The following EYS variants were observed in gnomAD, a reference collection of about 807,000 sequenced individuals.
EYS encodes the protein protein eyes shut homolog.
Under a neutral mutation model 282.1 loss-of-function variants are expected in EYS, and 250 were observed. The ratio of observed to expected loss-of-function variants is 0.89; its 90% CI spans 0.80 to 0.98. The LOEUF is 0.98. Ranked by LOEUF, EYS falls within the 50% of genes least tolerant of loss-of-function variation. EYS has a pLI of 0.00. For synonymous variants in EYS, 1,355 were observed against 1,282.9 expected, an observed-to-expected ratio of 1.06 and a Z score of -1.20; for missense variants, 4,016 against 3,709.0, an observed-to-expected ratio of 1.08 and a Z score of -2.15.
chr6:64,352,175 A>G (rs1045596725), intron 29 of EYS, among the ~76,000 whole-genome samples: 2 of 151,538 alleles, frequency 1.3e-5, no homozygotes, highest in African/African-American at 4.8e-5. Flanking sequence ...TGTTCTTTCA[A>G]TGCACACTAA....
intron 13 of EYS, among the ~76,000 whole-genome samples, chr6:65,025,139 G>A (rs1772367176): frequency 6.6e-6 from 1 of 152,084 alleles, no homozygotes; most frequent in Non-Finnish European, 1.5e-5. Flanking sequence ...GAGTATATTT[G>A]TACCTATCAT....
intron 12 of EYS, among the ~76,000 whole-genome samples, chr6:65,295,553 T>A (rs1048807212): frequency 6.6e-6 from 1 of 151,896 alleles, no homozygotes; most frequent in African/African-American, 2.4e-5. Flanking sequence ...TTAGGCAAAA[T>A]TATTTGGAGC....
chr6:65,183,075 G>A (rs1225983588), intron 12 of EYS, among the ~76,000 whole-genome samples: 1 of 151,886 alleles, frequency 6.6e-6, no homozygotes, highest in Non-Finnish European at 1.5e-5. Context: ...ACAAGCAAGT[G>A]GCACTGTGCC....
intron 2 of EYS, among the ~76,000 whole-genome samples, chr6:65,584,999 G>A (rs73742011): frequency 0.03 from 4,580 of 151,298 alleles, 171 homozygotes; most frequent in African/African-American, 0.092. Flanking sequence ...TGTATCTTAT[G>A]TTTCTGTTCA....
intron 12 of EYS, among the ~76,000 whole-genome samples, chr6:65,209,325 C>T (rs553669730): frequency 6.7e-6 from 1 of 150,006 alleles, no homozygotes; most frequent in East Asian, 2.0e-4. Flanking sequence ...AATCATAGTA[C>T]TTGAAAAAAC....
At chr6:64,204,425 C>CT in intron 31 of EYS, among the ~76,000 whole-genome samples, 1 of 152,080 alleles carries the variant, frequency 6.6e-6, no homozygotes, top group South Asian at 2.1e-4. Flanking sequence ...GTCATAGCAT[C>CT]TTTTTTTAAT....
At chr6:64,876,976 G>T (rs1316296686) in intron 19 of EYS, among the ~76,000 whole-genome samples, 3 of 152,148 alleles carry the variant, frequency 2.0e-5, no homozygotes, top group Non-Finnish European at 2.9e-5. Context: ...TGATCACTCT[G>T]GGTGCTAGAT....
At chr6:63,910,432 T>C (rs1302055996) in intron 35 of EYS, among the ~76,000 whole-genome samples, 2 of 152,222 alleles carry the variant, frequency 1.3e-5, no homozygotes, top group East Asian at 3.8e-4. Context: ...CGAAAGGTCA[T>C]GGTAAAAATA....
At chr6:63,776,897 A>T (rs1227453951) in intron 40 of EYS, among the ~76,000 whole-genome samples, 1 of 152,228 alleles carries the variant, frequency 6.6e-6, no homozygotes, top group Non-Finnish European at 1.5e-5. Context: ...ACAACTCTTT[A>T]GATAAAGTGA....
At chr6:65,180,593 G>A (rs1425252020) in intron 12 of EYS, among the ~76,000 whole-genome samples, 1 of 152,110 alleles carries the variant, frequency 6.6e-6, no homozygotes, top group Non-Finnish European at 1.5e-5. Flanking sequence ...TATGCTCATG[G>A]GTAGGAAGAA....
intron 35 of EYS, among the ~76,000 whole-genome samples, chr6:63,942,015 A>G (rs1417039979): frequency 6.6e-6 from 1 of 152,182 alleles, no homozygotes; most frequent in Non-Finnish European, 1.5e-5. Flanking sequence ...TTAAACACTA[A>G]AGGTGTTGCA....
intron 26 of EYS, among the ~76,000 whole-genome samples, chr6:64,530,416 T>C (rs1489872847): frequency 1.3e-5 from 2 of 152,048 alleles, no homozygotes; most frequent in Admixed American, 6.5e-5. Context: ...CTGCAGGACA[T>C]GTGTTCCTAG....
chr6:63,822,335 A>C (rs904140482), intron 36 of EYS: 9 of 152,210 alleles, frequency 5.9e-5, no homozygotes, highest in African/African-American at 2.2e-4. Flanking sequence ...CTGGTAATGA[A>C]CTCCTGACTT....
intron 33 of EYS, among the ~76,000 whole-genome samples, chr6:64,049,765 A>G (rs771416362): frequency 6.6e-6 from 1 of 152,192 alleles, no homozygotes; most frequent in Non-Finnish European, 1.5e-5. Flanking sequence ...TGATTGACTA[A>G]AATACTAAGA....
chr6:63,889,899 T>C (rs1773363822), intron 35 of EYS, among the ~76,000 whole-genome samples: 1 of 151,408 alleles, frequency 6.6e-6, no homozygotes, highest in South Asian at 2.1e-4. Context: ...AAGTCACACA[T>C]AGGCTCAAAA....
intron 28 of EYS, among the ~76,000 whole-genome samples, chr6:64,420,118 C>T (rs1774183257): frequency 6.6e-6 from 1 of 152,194 alleles, no homozygotes; most frequent in South Asian, 2.1e-4. Context: ...CAGAGCTCCC[C>T]AAACCTCAGT....
chr6:64,591,066 C>T lies in EYS; in HGVS notation c.4801G>A (p.Gly1601Arg). Residue 1601 changes from glycine (G) to arginine (R), a missense_variant, in exon 26 of 43, where the codon GGA (glycine) becomes AGA (arginine). Coordinates refer to ENST00000503581, the MANE Select transcript of EYS (RefSeq NM_001142800.2). ...AILASWYALM[G>R]AQTITSGHSF... Reference sequence around the variant, plus strand: ...TGCCCAGAAGTGATAGTTTGAGCTCCCATTAGTGCATACCAGCTGGCTAAT... The same window carrying T: ...TGCCCAGAAGTGATAGTTTGAGCTCTCATTAGTGCATACCAGCTGGCTAAT... 1.3e-6 allele frequency: 2 copies of T among 1,551,240 alleles called. No individual in the cohort carries two copies. The highest frequency in any genetic ancestry group is 1.7e-6 in the Non-Finnish European group (2 of 1,146,768).
rs73741280 is a variant in EYS, at chr6:65,245,546, A to T, written c.2023+50317T>A. ...GCTGCCACCTCAGCTTATTATTCTCATATCAAGGCCTTTATATTGATGTTC... is the reference window on the plus strand; with the variant it reads ...GCTGCCACCTCAGCTTATTATTCTCTTATCAAGGCCTTTATATTGATGTTC... On this transcript the variant is annotated intron_variant, in intron 12 of 42. Transcript: ENST00000503581. Among the ~76,000 whole-genome samples the T allele has an allele frequency of 2.7e-3, 409 of 152,118 alleles. 6 individuals are homozygous for T. The highest frequency in any genetic ancestry group is 0.01 in the Middle Eastern group (3 of 292).
chr6:63,929,091 C>G (rs570504190), intron 35 of EYS, among the ~76,000 whole-genome samples: 1 of 152,254 alleles, frequency 6.6e-6, no homozygotes, highest in Admixed American at 6.5e-5. Flanking sequence ...TAGACGGGGT[C>G]AAATGGGATC....
Sources: allele counts gnomAD v4.1 joint callset (sites outside exome capture counted in the v4.1 genomes callset), GRCh38; gene constraint gnomAD v4.1.1; transcripts MANE v1.5; gene names NCBI Gene and HGNC (gene_info 2026-07-23, HGNC 2026-07-21).